Variants in UTRN observed in about 807,000 individuals in gnomAD.
UTRN encodes the protein utrophin.
A neutral mutation model predicts 463.9 loss-of-function variants in UTRN; 283 were observed. That is an observed-to-expected ratio of 0.61 (90% CI 0.55 to 0.67). The LOEUF (loss-of-function observed/expected upper bound fraction) is 0.67, where lower values mean the gene tolerates loss of function less well. Ranked by LOEUF, UTRN falls within the 30% of genes least tolerant of loss-of-function variation. The pLI is 0.00. For missense variants in UTRN, 3,922 were observed against 4,084.3 expected, an observed-to-expected ratio of 0.96 and a Z score of 1.08; for synonymous variants, 1,442 against 1,431.5, an observed-to-expected ratio of 1.01 and a Z score of -0.17.
intron 60 of UTRN, among the ~76,000 whole-genome samples, chr6:144,778,841 CAT>C (rs1330850597): frequency 1.3e-5 from 2 of 152,166 alleles, no homozygotes; most frequent in African/African-American, 4.8e-5. Context: ...TCATTTACCA[CAT>C]GACTGAGCTG....
At chr6:144,340,132 A>G (rs1028768642) in intron 2 of UTRN, among the ~76,000 whole-genome samples, 8 of 152,132 alleles carry the variant, frequency 5.3e-5, no homozygotes, top group Admixed American at 1.3e-4. Flanking sequence ...ACACCACTGC[A>G]CTCCAGCCTG....
chr6:144,495,446 G>A (rs766500613), intron 33 of UTRN, among the ~76,000 whole-genome samples: 1 of 152,244 alleles, frequency 6.6e-6, no homozygotes, highest in African/African-American at 2.4e-5. Flanking sequence ...CTCCGAGTGC[G>A]GGGCCCGCCA....
chr6:144,697,378 G>A (rs1300903207), intron 52 of UTRN, among the ~76,000 whole-genome samples: 8 of 152,096 alleles, frequency 5.3e-5, no homozygotes, highest in Non-Finnish European at 1.2e-4. Flanking sequence ...AATGCTTATA[G>A]GATAATTGAG....
At chr6:144,702,725 A>G (rs73781917) in intron 53 of UTRN, among the ~76,000 whole-genome samples, 5,115 of 152,256 alleles carry the variant, frequency 0.034, 302 homozygotes, top group African/African-American at 0.12. Context: ...TAGAACATTT[A>G]GGGAAAGGAG....
chr6:144,825,666 A>G (rs937449561), intron 66 of UTRN, among the ~76,000 whole-genome samples: 3 of 152,162 alleles, frequency 2.0e-5, no homozygotes, highest in Non-Finnish European at 4.4e-5. Flanking sequence ...CAAAAAAAAT[A>G]CACACTTTTC....
At chr6:144,437,391 T>C (rs577211815) in intron 10 of UTRN, among the ~76,000 whole-genome samples, 174 bp from the exon 11 acceptor site, 1 of 152,352 alleles carries the variant, frequency 6.6e-6, no homozygotes. Flanking sequence ...GGCAGGTGTT[T>C]ATTCCTATTT....
At chr6:144,772,818 C>T (rs1418718712) in intron 59 of UTRN, among the ~76,000 whole-genome samples, 2 of 152,100 alleles carry the variant, frequency 1.3e-5, no homozygotes, top group Non-Finnish European at 2.9e-5. Flanking sequence ...TATTGTTTAA[C>T]CTACTTCCTC....
chr6:144,511,040 AT>A lies in UTRN; in HGVS notation c.4865del (p.Leu1622Ter), dbSNP rs769991496. 1 of 1,613,120 alleles carries A rather than the reference AT, an allele frequency of 6.2e-7. No individual in the cohort carries two copies. Among genetic ancestry groups the A allele is most frequent in the African/African-American group, 1.3e-5 (1 of 74,874 alleles). ...LQNLIEGSEP[I>X]LEERLCVLNA... Reference sequence around the variant, plus strand: ...AAACTTGATTGAGGGCAGTGAGCCTATTTTAGAAGAGAGGCTCTGCGTCCTT... The same window carrying A: ...AAACTTGATTGAGGGCAGTGAGCCTATTTAGAAGAGAGGCTCTGCGTCCTT... On this transcript the variant is annotated frameshift_variant, in exon 35 of 75. Coordinates refer to ENST00000367545, the MANE Select transcript of UTRN (RefSeq NM_007124.3). LOFTEE classifies it high-confidence loss of function.
chr6:144,457,517 A>G (rs1323534524), intron 19 of UTRN, among the ~76,000 whole-genome samples: 1 of 152,174 alleles, frequency 6.6e-6, no homozygotes, highest in Non-Finnish European at 1.5e-5. Flanking sequence ...TCCATTGTTC[A>G]TATTGTTAGG....
At chr6:144,732,283 CATATATATATAT>C (rs1256852716) in intron 54 of UTRN, among the ~76,000 whole-genome samples, 16 of 123,820 alleles carry the variant, frequency 1.3e-4, no homozygotes, top group Non-Finnish European at 2.6e-4. Flanking sequence ...TATATACACA[CATATATATATAT>C]ACACATATAT....
chr6:144,555,172 T>C (rs138425369), intron 49 of UTRN, among the ~76,000 whole-genome samples: 2 of 152,302 alleles, frequency 1.3e-5, no homozygotes, highest in African/African-American at 2.4e-5. Context: ...AGAGAACACT[T>C]TCAAGATTCC....
chr6:144,633,683 A>G (rs1164684354), intron 51 of UTRN, among the ~76,000 whole-genome samples: 1 of 152,140 alleles, frequency 6.6e-6, no homozygotes, highest in Non-Finnish European at 1.5e-5. Flanking sequence ...CAATCTAAGT[A>G]CCATTTAATG....
intron 23 of UTRN, among the ~76,000 whole-genome samples, chr6:144,473,402 C>T (rs150289435): frequency 6.6e-6 from 1 of 152,262 alleles, no homozygotes; most frequent in African/African-American, 2.4e-5. Context: ...TATTTTATAG[C>T]TGATAAAACC....
intron 53 of UTRN, among the ~76,000 whole-genome samples, chr6:144,706,075 T>C (rs1785056863): frequency 6.6e-6 from 1 of 152,056 alleles, no homozygotes; most frequent in Non-Finnish European, 1.5e-5. Context: ...ACCTTAGCCT[T>C]GCATCCAAGA....
intron 52 of UTRN, among the ~76,000 whole-genome samples, chr6:144,683,954 C>G (rs74843254): frequency 0.016 from 2,435 of 152,204 alleles, 57 homozygotes; most frequent in African/African-American, 0.054. Context: ...TGAATGCATC[C>G]ATTATCCTAA....
chr6:144,576,621 TTGTTGATAC>T (rs1801462766), intron 50 of UTRN, among the ~76,000 whole-genome samples: 1 of 152,164 alleles, frequency 6.6e-6, no homozygotes, highest in African/African-American at 2.4e-5. Context: ...GTAGGAGTAT[TTGTTGATAC>T]TGTCTTTATG....
chr6:144,460,964 T>G (rs751398148), intron 21 of UTRN, among the ~76,000 whole-genome samples: 3 of 152,124 alleles, frequency 2.0e-5, no homozygotes, highest in Non-Finnish European at 4.4e-5. Flanking sequence ...TGAAGAAAAA[T>G]TATAGTGGGT....
chr6:144,516,081 T>TA, intron 37 of UTRN, 148 bp from the exon 38 acceptor site: 1 of 769,262 alleles, frequency 1.3e-6, no homozygotes, highest in East Asian at 2.7e-5. Flanking sequence ...ATCATTGCCA[T>TA]ATAAATGAAT....
chr6:144,756,940 C>A (rs888353993), intron 57 of UTRN, among the ~76,000 whole-genome samples: 8 of 151,832 alleles, frequency 5.3e-5, no homozygotes, highest in Admixed American at 3.9e-4. Context: ...GCTTCCTTAC[C>A]GAAAACATAT....
Sources: gnomAD v4.1 joint callset for allele counts (sites outside exome capture counted in the v4.1 genomes callset) on GRCh38, gnomAD v4.1.1 for gene constraint, MANE v1.5 for transcripts, NCBI Gene and HGNC (gene_info 2026-07-23, HGNC 2026-07-21) for gene names.